MICAL1: variants seen among roughly 807,000 people sequenced by gnomAD.
MICAL1 encodes microtubule associated monooxygenase, calponin and LIM domain containing 1.
In MICAL1, 95 loss-of-function variants were observed where a neutral mutation model predicts 131.8. That is an observed-to-expected ratio of 0.72 (90% CI 0.61 to 0.86). The LOEUF (loss-of-function observed/expected upper bound fraction) is 0.86. Among genes scored for constraint, MICAL1 ranks in the 40% least tolerant of loss-of-function variants. The probability of loss-of-function intolerance (pLI) is 0.00; values close to 1 mark genes in which losing one functional copy is unlikely to be tolerated. For synonymous variants in MICAL1, 546 were observed against 554.2 expected (o/e 0.99, Z 0.21); for missense variants, 1,292 against 1,380.6 (o/e 0.94, Z 1.02).
In MICAL1 at chr6:109,455,170, A is replaced by G. The variant is rs1775697122; in HGVS notation, c.-44+549T>C. 6.6e-6 allele frequency among the ~76,000 whole-genome samples: 1 copy of G among 152,108 alleles called. No homozygotes were observed. The highest frequency in any genetic ancestry group is 1.5e-5 in the Non-Finnish European group (1 of 68,008). On this transcript the variant is annotated intron_variant, in intron 1 of 24. Transcript: ENST00000358807. The surrounding 1 kb of genome is among the most constrained non-coding windows in gnomAD (Gnocchi z 4.7). ...CGAGGGGGTTTCTCACGCGGGGCCC[A>G]GAAGGTATCAGAGGGTATGGAGGAG...
intron 4 of MICAL1, 148 bp from the exon 5 acceptor site, chr6:109,452,763 C>G: frequency 1.6e-6 from 1 of 623,730 alleles, no homozygotes; most frequent in Non-Finnish European, 2.7e-6. Flanking sequence ...TACACCTTCA[C>G]AGCAGCTATG....
rs201978922 is a variant in MICAL1 at position 109,444,746 on chromosome 6, G to C, written c.3034C>G (p.Arg1012Gly). 1.2e-6 allele frequency: 2 copies of C among 1,614,012 alleles called. No individual in the cohort carries two copies. Among genetic ancestry groups the C allele is most frequent in the Non-Finnish European group, 1.7e-6 (2 of 1,179,994 alleles). Residue 1012 changes from arginine to glycine, a missense_variant, in exon 24 of 25, where the codon CGA becomes GGA. By Grantham distance (125) the Arg-to-Gly change is moderately radical. Transcript: ENST00000358807. Reference protein sequence around the residue: ...EKQWQLDQELRGYMNREENLK... With the variant: ...EKQWQLDQELGGYMNREENLK... ...CTACCTTCCCGGTTCATGTAGCCTC[G>C]TAGCTCCTGGTCCAGCTGCCACTGT...
chr6:109,446,288 C>G lies in MICAL1; in HGVS notation c.2429G>C (p.Ser810Thr). The G allele has an allele frequency of 6.2e-7, 1 of 1,614,064 alleles. No homozygotes were observed. The highest frequency in any genetic ancestry group is 1.1e-5 in the South Asian group (1 of 91,074). ...GGAGGACAACCGCTGGCGCTCCGGG[C>G]TGGAGAGGCGGATCTGCCGACGGGT... ...QPTRRQIRLS[S>T]PERQRLSSLN... Residue 810 changes from serine to threonine, a missense_variant, in exon 19 of 25, where the codon AGC (serine) becomes ACC (threonine). Physicochemically the swap from Ser to Thr is moderately conservative, Grantham distance 58. Coordinates refer to ENST00000358807, the MANE Select transcript of MICAL1 (RefSeq NM_022765.4).
rs1326969702 is a variant in MICAL1 at position 109,455,687 on chromosome 6, G to A, written c.-44+32C>T. ...CCCCACCTCACCCCACCCGGCCGCGGGGCTCGCAGCCGGCTCCGCTGGACG... is the reference window on the plus strand; with the variant it reads ...CCCCACCTCACCCCACCCGGCCGCGAGGCTCGCAGCCGGCTCCGCTGGACG... On this transcript the variant is annotated intron_variant, in intron 1 of 24. Transcript: ENST00000358807. The surrounding 1 kb of genome is among the most constrained non-coding windows in gnomAD (Gnocchi z 4.7). The A allele has an allele frequency of 3.0e-6, 3 of 984,998 alleles. No individual in the cohort carries two copies. Among genetic ancestry groups the A allele is most frequent in the South Asian group, 4.7e-5 (1 of 21,294 alleles). 61.0% of individuals were successfully genotyped at this position (984,998 alleles called of 1,614,324 possible).
At chr6:109,463,453 A>G (rs1775954094) in intron 1 of MICAL1, 2 of 152,342 alleles carry the variant, frequency 1.3e-5, no homozygotes, top group African/African-American at 4.8e-5. Flanking sequence ...GCTGTCCAAT[A>G]TAGCAGCCAC....
In MICAL1 at chr6:109,446,263, G is replaced by A. The variant is rs1206189672; in HGVS notation, c.2454C>T (p.Ser818=). Reference sequence around the variant, plus strand: ...TTTCCGGGTCAGGGGTAAGGTTAAGGGAGGACAACCGCTGGCGCTCCGGGC... The same window carrying A: ...TTTCCGGGTCAGGGGTAAGGTTAAGAGAGGACAACCGCTGGCGCTCCGGGC... ...LSSPERQRLS[S]LNLTPDPEME... Residue 818 remains serine (S), a synonymous_variant, in exon 19 of 25, where the codon TCC becomes TCT. Coordinates refer to ENST00000358807, the MANE Select transcript of MICAL1 (RefSeq NM_022765.4). 6.2e-6 allele frequency: 10 copies of A among 1,613,672 alleles called. No individual in the cohort carries two copies. Among genetic ancestry groups the A allele is most frequent in the Non-Finnish European group, 8.5e-6 (10 of 1,179,842 alleles).
chr6:109,456,977 C>T (rs2115344649), upstream of MICAL1, among the ~76,000 whole-genome samples: 1 of 152,236 alleles, frequency 6.6e-6, no homozygotes. Context: ...TACTGTTACA[C>T]TGGAAGCACT....
chr6:109,457,617 T>G (rs1175864091), upstream of MICAL1, among the ~76,000 whole-genome samples: 1 of 152,170 alleles, frequency 6.6e-6, no homozygotes. Flanking sequence ...TCCCTTTCAC[T>G]AGCAGATGGT....
intron 11 of MICAL1, 93 bp from the exon 12 acceptor site, chr6:109,448,972 G>A: frequency 6.5e-7 from 1 of 1,535,518 alleles, no homozygotes; most frequent in Admixed American, 1.9e-5. Context: ...TTCTGTAGGG[G>A]AGGAGGAGTC....
intron 12 of MICAL1, 111 bp from the exon 13 acceptor site, chr6:109,448,504 G>A (rs1775350999): frequency 7.4e-7 from 1 of 1,355,676 alleles, no homozygotes; most frequent in Non-Finnish European, 1.0e-6. Flanking sequence ...GGTACAAGAA[G>A]GCTTGAAGGT....
rs755389348 is a variant in MICAL1 at position 109,453,811 on chromosome 6, C to T, written c.293G>A (p.Arg98Gln). 66 of 1,613,538 alleles carry T rather than the reference C, an allele frequency of 4.1e-5. No homozygotes were observed. Among genetic ancestry groups the T allele is most frequent in the Middle Eastern group, 3.3e-4 (2 of 6,084 alleles). The change falls in exon 3 of 25, where the codon CGG (arginine) becomes CAG (glutamine). Residue 98 changes from arginine to glutamine, a missense_variant. Physicochemically the swap from Arg to Gln is conservative, Grantham distance 43. Transcript: ENST00000358807. ...CAGCAGCGCCAGCTCCACAGCGACC[C>T]GCAGCCCGCAAGGTCCAGCACCCAC... ...LVVGAGPCGL[R>Q]VAVELALLGA...
chr6:109,453,468 C>CAATCA, intron 3 of MICAL1, 101 bp from the exon 4 acceptor site: 1 of 1,505,910 alleles, frequency 6.6e-7, no homozygotes, highest in East Asian at 2.3e-5. Context: ...AAGGCCTTAG[C>CAATCA]AATCACTCAG....
At chr6:109,448,683 A>C in intron 12 of MICAL1, 49 bp downstream of exon 12, 1 of 1,604,544 alleles carries the variant, frequency 6.2e-7, no homozygotes, top group Admixed American at 1.7e-5. Context: ...GGATATGCTA[A>C]CTCCTACACT....
Position 109,449,073 on chromosome 6 carries a change from A to T in MICAL1, c.1517-194T>A, listed in dbSNP as rs192512262. ...CTTTTAAAAAAAATCTCTTTGGAATAAAGTAGAGGAGTGAATAAAGTGAAA... is the reference window on the plus strand; with the variant it reads ...CTTTTAAAAAAAATCTCTTTGGAATTAAGTAGAGGAGTGAATAAAGTGAAA... On this transcript the variant is annotated intron_variant, in intron 11 of 24. Transcript: ENST00000358807. 9.4e-4 allele frequency: 719 copies of T among 767,962 alleles called. 5 individuals carry two copies. The African/African-American group carries it at 0.012, about 12-fold the overall frequency. The allele number at this position is 767,962 out of a possible 1,614,324, so 47.6% of individuals were successfully genotyped here.
chr6:109,448,554 C>T, intron 12 of MICAL1, 161 bp from the exon 13 acceptor site: 1 of 1,252,312 alleles, frequency 8.0e-7, no homozygotes. Context: ...AACCCAGTGA[C>T]ACTACTCCTG....
chr6:109,447,530 A>G (rs1355395845), intron 15 of MICAL1, 90 bp from the exon 16 acceptor site: 3 of 1,523,334 alleles, frequency 2.0e-6, no homozygotes, highest in African/African-American at 2.7e-5. Flanking sequence ...GGCTGAAGGG[A>G]AGGGGAGTGA....
intron 8 of MICAL1, 97 bp from the exon 9 acceptor site, chr6:109,450,182 C>G: frequency 6.4e-7 from 1 of 1,560,132 alleles, no homozygotes; most frequent in Non-Finnish European, 8.7e-7. Flanking sequence ...AGGGGCCATC[C>G]CCACACCAGG....
rs529623333 is a variant in MICAL1, at chr6:109,446,274, G to A, written c.2443C>T (p.Arg815Trp). The A allele has an allele frequency of 1.5e-5, 24 of 1,613,756 alleles. No individual in the cohort carries two copies. The highest frequency in any genetic ancestry group is 1.1e-4 in the African/African-American group (8 of 75,014). Reference sequence around the variant, plus strand: ...GGGGTAAGGTTAAGGGAGGACAACCGCTGGCGCTCCGGGCTGGAGAGGCGG... The same window carrying A: ...GGGGTAAGGTTAAGGGAGGACAACCACTGGCGCTCCGGGCTGGAGAGGCGG... ...QIRLSSPERQ[R>W]LSSLNLTPDP... is the part of the protein sequence containing the mutation. The change falls in exon 19 of 25, where the codon CGG (arginine) becomes TGG (tryptophan). Residue 815 changes from arginine (R) to tryptophan (W), a missense_variant. Transcript: ENST00000358807.
At position 109,446,760 on chromosome 6, in the gene MICAL1, C is replaced by CA. The variant is rs1270790214; in HGVS notation, c.2239dup (p.Cys747LeufsTer17). 6.8e-6 allele frequency: 11 copies of CA among 1,613,432 alleles called. No homozygotes were observed. Among genetic ancestry groups the CA allele is most frequent in the Non-Finnish European group, 9.3e-6 (11 of 1,179,860 alleles). ...GTCTGTCTGGGGCAGGTGCTGGAGG[C>CA]AGTAGAAATGTCCTGGAAAGGGTAG... On this transcript the variant is annotated frameshift_variant, in exon 18 of 25. Transcript: ENST00000358807. LOFTEE classifies it high-confidence loss of function.
Sources: gnomAD v4.1 joint callset for allele counts (sites outside exome capture counted in the v4.1 genomes callset) on GRCh38, gnomAD v4.1.1 for gene constraint, Gnocchi (gnomAD v3.1) non-coding constraint, MANE v1.5 for transcripts, NCBI Gene and HGNC (gene_info 2026-07-23, HGNC 2026-07-21) for gene names.